Variants in AGBL4 observed in about 807,000 individuals in gnomAD.
AGBL4 encodes the protein AGBL carboxypeptidase 4.
In AGBL4, 58 loss-of-function variants were observed where a neutral mutation model predicts 66.4. The ratio of observed to expected loss-of-function variants is 0.87; its 90% confidence interval spans 0.71 to 1.09. The LOEUF is 1.09. AGBL4 is among the 50% of genes least tolerant of loss of function. The pLI, the probability that AGBL4 is intolerant of heterozygous loss-of-function variation, is 0.00. For synonymous variants in AGBL4, 234 were observed against 222.9 expected, an observed-to-expected ratio of 1.05 and a Z score of -0.44; for missense variants, 579 against 631.0, an observed-to-expected ratio of 0.92 and a Z score of 0.88.
intron 1 of AGBL4, among the ~76,000 whole-genome samples, chr1:49,986,039 G>C (rs1300358560): frequency 6.6e-6 from 1 of 152,064 alleles, no homozygotes; most frequent in Non-Finnish European, 1.5e-5. Context: ...AATCTCTTGA[G>C]TTATTGAAAC....
At chr1:49,417,379 C>T (rs1403380214) in intron 3 of AGBL4, among the ~76,000 whole-genome samples, 1 of 152,086 alleles carries the variant, frequency 6.6e-6, no homozygotes, top group African/African-American at 2.4e-5. Context: ...CTGTGGAGTC[C>T]TTTTGCTGTG....
intron 3 of AGBL4, among the ~76,000 whole-genome samples, chr1:49,440,618 C>A (rs1646006529): frequency 6.6e-6 from 1 of 152,098 alleles, no homozygotes; most frequent in African/African-American, 2.4e-5. Context: ...ATTCTAACTT[C>A]CAGCTTCAGG....
chr1:49,679,337 TA>T (rs1403712174), intron 3 of AGBL4, among the ~76,000 whole-genome samples: 1 of 152,112 alleles, frequency 6.6e-6, no homozygotes, highest in African/African-American at 2.4e-5. Flanking sequence ...TTGATATGCA[TA>T]TATATACTTC....
intron 2 of AGBL4, among the ~76,000 whole-genome samples, chr1:49,747,681 T>C (rs1651093851): frequency 1.3e-5 from 2 of 152,174 alleles, no homozygotes; most frequent in African/African-American, 4.8e-5. Context: ...ATTTTATTAC[T>C]TAATTTTTTT....
chr1:48,629,169 C>A (rs1022903416), intron 9 of AGBL4, among the ~76,000 whole-genome samples: 6 of 152,114 alleles, frequency 3.9e-5, no homozygotes, highest in Non-Finnish European at 5.9e-5. Flanking sequence ...GGTGGATGGT[C>A]CTGGGAAGCC....
chr1:49,906,116 C>CTGTGTGTGTGTGTG (rs59711282), intron 1 of AGBL4, among the ~76,000 whole-genome samples: 38 of 147,400 alleles, frequency 2.6e-4, no homozygotes, highest in African/African-American at 9.0e-4. Flanking sequence ...AAACAGGACT[C>CTGTGTGTGTGTGTG]TGTGTGTGTG....
In AGBL4 at chr1:49,866,292, C is replaced by T. The variant is rs547679367; in HGVS notation, c.35-14774G>A. On this transcript the variant is annotated intron_variant, in intron 1 of 13. Transcript: ENST00000371839. ...AGATATTCCATGAGAAGATCAATCCCAAGACACATAATCATCAGATTCTCC... is the reference window on the plus strand; with the variant it reads ...AGATATTCCATGAGAAGATCAATCCTAAGACACATAATCATCAGATTCTCC... Among the ~76,000 whole-genome samples the T allele has an allele frequency of 2.5e-4, 38 of 152,074 alleles. No individual in the cohort carries two copies. In the South Asian group the frequency reaches 7.9e-3, roughly 32 times the overall value.
chr1:48,989,968 T>C (rs1660480031), intron 5 of AGBL4, among the ~76,000 whole-genome samples: 1 of 152,202 alleles, frequency 6.6e-6, no homozygotes, highest in African/African-American at 2.4e-5. Flanking sequence ...CTGTTCTCCA[T>C]AGTGGTTGTA....
chr1:49,494,062 C>G (rs1647304501), intron 3 of AGBL4, among the ~76,000 whole-genome samples: 2 of 151,936 alleles, frequency 1.3e-5, no homozygotes, highest in Non-Finnish European at 2.9e-5. Context: ...TTACTCTGTT[C>G]TAACCTCAGT....
rs1309571348 is a variant in AGBL4 at position 49,344,898 on chromosome 1, G to A, written c.283-99034C>T. Among the ~76,000 whole-genome samples the A allele has an allele frequency of 7.2e-5, 11 of 152,228 alleles. No individual in the cohort carries two copies. The South Asian group carries it at 8.3e-4, about 11-fold the overall frequency. ...AGAAAAGAGACAACATGAGTAAAGCGTTTCACCTTTTCAGAATCTTTGAGT... is the reference window on the plus strand; with the variant it reads ...AGAAAAGAGACAACATGAGTAAAGCATTTCACCTTTTCAGAATCTTTGAGT... On this transcript the variant is annotated intron_variant, in intron 3 of 13. Coordinates refer to ENST00000371839, the MANE Select transcript of AGBL4 (RefSeq NM_032785.4).
chr1:49,950,194 G>GTA lies in AGBL4; in HGVS notation c.34+73567_34+73568dup, dbSNP rs1231311908. ...TATATACATATGTATATACACATAT[G>GTA]TATATATATATGAATACTACTCTGC... On this transcript the variant is annotated intron_variant, in intron 1 of 13. Coordinates refer to ENST00000371839, the MANE Select transcript of AGBL4 (RefSeq NM_032785.4). Among the ~76,000 whole-genome samples, 8 of 145,062 alleles carry GTA rather than the reference G, an allele frequency of 5.5e-5. No individual in the cohort carries two copies. The East Asian group carries it at 6.1e-4, about 11-fold the overall frequency.
chr1:48,669,673 C>T (rs547709440), intron 6 of AGBL4, among the ~76,000 whole-genome samples: 38 of 152,312 alleles, frequency 2.5e-4, no homozygotes, highest in African/African-American at 8.9e-4. Context: ...CTCCAGATAT[C>T]TCCAGACCAC....
intron 5 of AGBL4, among the ~76,000 whole-genome samples, chr1:48,972,652 C>T (rs1301439725): frequency 6.6e-6 from 1 of 152,110 alleles, no homozygotes; most frequent in Non-Finnish European, 1.5e-5. Flanking sequence ...CAATGTTGGC[C>T]TGAAGTTAGC....
intron 11 of AGBL4, among the ~76,000 whole-genome samples, chr1:48,547,472 C>G (rs1644182809): frequency 6.6e-6 from 1 of 151,970 alleles, no homozygotes; most frequent in Non-Finnish European, 1.5e-5. Flanking sequence ...GATGGGGGTG[C>G]CCTGATCTGG....
chr1:49,881,333 G>A (rs1395859376), intron 1 of AGBL4, among the ~76,000 whole-genome samples: 1 of 152,120 alleles, frequency 6.6e-6, no homozygotes, highest in Non-Finnish European at 1.5e-5. Flanking sequence ...ATTGTGAATA[G>A]TGCCGCCATA....
rs1043194187 is a variant in AGBL4 at position 49,132,035 on chromosome 1, A to G, written c.378-86235T>C. Among the ~76,000 whole-genome samples, 5 of 152,146 alleles carry G rather than the reference A, an allele frequency of 3.3e-5. No individual in the cohort carries two copies. In the South Asian group the frequency reaches 6.2e-4, roughly 19 times the overall value. On this transcript the variant is annotated intron_variant, in intron 4 of 13. Coordinates refer to ENST00000371839, the MANE Select transcript of AGBL4 (RefSeq NM_032785.4). ...GATGCATTTCCCAGGGAATTCATAA[A>G]CTGATAAAAGATGAGGACCAAGGAC...
intron 9 of AGBL4, among the ~76,000 whole-genome samples, chr1:48,615,095 G>A (rs1047689342): frequency 1.3e-5 from 2 of 152,150 alleles, no homozygotes; most frequent in Non-Finnish European, 2.9e-5. Flanking sequence ...TTGTGGGGGT[G>A]CAAGTGCAGG....
intron 3 of AGBL4, among the ~76,000 whole-genome samples, chr1:49,476,407 T>C (rs972530232): frequency 5.3e-5 from 8 of 152,078 alleles, no homozygotes; most frequent in Admixed American, 2.6e-4. Context: ...ATTCTGTAGA[T>C]GTCTATTAGA....
chr1:48,963,679 C>A (rs779969251), intron 5 of AGBL4, among the ~76,000 whole-genome samples: 10 of 152,180 alleles, frequency 6.6e-5, no homozygotes, highest in Admixed American at 2.6e-4. Context: ...GACCTCACAG[C>A]ATCCCTTCTA....
Sources: allele counts gnomAD v4.1 joint callset (sites outside exome capture counted in the v4.1 genomes callset), GRCh38; gene constraint gnomAD v4.1.1; transcripts MANE v1.5; gene names NCBI Gene and HGNC (gene_info 2026-07-23, HGNC 2026-07-21).